NCAM2: variants seen among roughly 807,000 people sequenced by gnomAD.
NCAM2 encodes the protein neural cell adhesion molecule 2.
In NCAM2, 30 loss-of-function variants were observed where a neutral mutation model predicts 98.1. That is an observed-to-expected ratio of 0.31 (90% CI 0.23 to 0.41). The LOEUF is 0.41. NCAM2 is among the 10% of genes least tolerant of loss of function. The pLI is 1.00. For synonymous variants in NCAM2, 368 were observed against 342.4 expected (o/e 1.07, Z -0.83); for missense variants, 867 against 1,005.8 (o/e 0.86, Z 1.87).
At chr21:21,019,094 T>G (rs1219130241) in intron 1 of NCAM2, among the ~76,000 whole-genome samples, 2 of 152,212 alleles carry the variant, frequency 1.3e-5, no homozygotes, top group Admixed American at 6.5e-5. Flanking sequence ...TGAAACACTT[T>G]CCCATGCACA....
At chr21:21,086,073 G>T (rs2065900249) in intron 1 of NCAM2, among the ~76,000 whole-genome samples, 1 of 152,172 alleles carries the variant, frequency 6.6e-6, no homozygotes, top group Non-Finnish European at 1.5e-5. Flanking sequence ...GGAATACATT[G>T]AAGGCTTTCC....
At chr21:21,085,290 A>G (rs2065886137) in intron 1 of NCAM2, among the ~76,000 whole-genome samples, 1 of 151,982 alleles carries the variant, frequency 6.6e-6, no homozygotes, top group African/African-American at 2.4e-5. Flanking sequence ...TGCACTCAGG[A>G]ACCTGGGTAA....
chr21:21,102,458 G>T (rs571045526), intron 1 of NCAM2, among the ~76,000 whole-genome samples: 3 of 151,804 alleles, frequency 2.0e-5, no homozygotes, highest in Non-Finnish European at 2.9e-5. Context: ...GGTTTTGGGC[G>T]CATACAAGTA....
At chr21:21,444,013 C>T (rs1979707245) in intron 12 of NCAM2, among the ~76,000 whole-genome samples, 1 of 152,058 alleles carries the variant, frequency 6.6e-6, no homozygotes, top group Non-Finnish European at 1.5e-5. Flanking sequence ...AGATGTGTTC[C>T]ATCAATACCT....
chr21:21,386,119 T>A (rs2076266166), intron 9 of NCAM2, among the ~76,000 whole-genome samples: 1 of 152,092 alleles, frequency 6.6e-6, no homozygotes, highest in Non-Finnish European at 1.5e-5. Flanking sequence ...TTAATAGATG[T>A]GTGCTTTATT....
chr21:21,472,521 G>A (rs1248086792), intron 14 of NCAM2, among the ~76,000 whole-genome samples: 1 of 151,910 alleles, frequency 6.6e-6, no homozygotes, highest in Non-Finnish European at 1.5e-5. Context: ...AAGCATTTTA[G>A]TAATTTTTCT....
rs1438601836 is a variant in NCAM2, at chr21:21,469,538, C to T, written c.1896+755C>T. Among the ~76,000 whole-genome samples the T allele has an allele frequency of 2.6e-5, 4 of 152,060 alleles. No individual in the cohort carries two copies. In the East Asian group the frequency reaches 7.7e-4, roughly 29 times the overall value. ...GTTAAATTTTCTAAGATTCATACAA[C>T]ATGCGTTTTATGCTTATGTTGACTG... On this transcript the variant is annotated intron_variant, in intron 14 of 17. Coordinates refer to ENST00000400546, the MANE Select transcript of NCAM2 (RefSeq NM_004540.5).
chr21:21,161,785 G>A (rs1398368459), intron 1 of NCAM2, among the ~76,000 whole-genome samples: 1 of 152,002 alleles, frequency 6.6e-6, no homozygotes, highest in East Asian at 1.9e-4. Flanking sequence ...GAGCTAGGGA[G>A]CTGAAGGTGC....
chr21:21,286,174 A>G (rs2073091295), intron 3 of NCAM2, 95 bp from the exon 4 acceptor site: 3 of 1,262,824 alleles, frequency 2.4e-6, no homozygotes, highest in Non-Finnish European at 2.2e-6. Flanking sequence ...ATTTTATTAT[A>G]GTATCAATAG....
Position 21,081,078 on chromosome 21 carries a change from T to C in NCAM2, c.55+82460T>C, listed in dbSNP as rs184206330. Among the ~76,000 whole-genome samples, 431 of 152,254 alleles carry C rather than the reference T, an allele frequency of 2.8e-3. 7 individuals are homozygous for C. Among genetic ancestry groups the C allele is most frequent in the African/African-American group, 9.4e-3 (391 of 41,550 alleles). ...GCGTTACTTCACCCTGGTTCTTCCA[T>C]TGGGGTGGGCTGTCCACGTGCACAG... On this transcript the variant is annotated intron_variant, in intron 1 of 17. Coordinates refer to ENST00000400546, the MANE Select transcript of NCAM2 (RefSeq NM_004540.5).
rs191868165 is a variant in NCAM2 at position 21,048,555 on chromosome 21, G to C, written c.55+49937G>C. Among the ~76,000 whole-genome samples, 738 of 152,228 alleles carry C rather than the reference G, an allele frequency of 4.8e-3. 10 individuals are homozygous for C. Among genetic ancestry groups the C allele is most frequent in the African/African-American group, 0.017 (727 of 41,560 alleles). ...TTTTTAGTAGAGACAGGGTTTCACT[G>C]TGTTAGCCAGGTTGGCATTGATCTC... On this transcript the variant is annotated intron_variant, in intron 1 of 17. Coordinates refer to ENST00000400546, the MANE Select transcript of NCAM2 (RefSeq NM_004540.5).
intron 1 of NCAM2, among the ~76,000 whole-genome samples, chr21:21,096,305 C>T (rs1418054853): frequency 4.0e-5 from 6 of 151,496 alleles, no homozygotes; most frequent in Admixed American, 1.3e-4. Context: ...TAGATATTAA[C>T]GATCTCTGAA....
intron 1 of NCAM2, among the ~76,000 whole-genome samples, chr21:21,266,492 A>C (rs2072279674): frequency 6.6e-6 from 1 of 152,140 alleles, no homozygotes; most frequent in Non-Finnish European, 1.5e-5. Context: ...TAAATGGTAG[A>C]CGTATTAAGA....
chr21:21,303,087 G>A (rs1383011907), intron 5 of NCAM2, among the ~76,000 whole-genome samples: 2 of 151,928 alleles, frequency 1.3e-5, no homozygotes, highest in African/African-American at 4.8e-5. Flanking sequence ...CATAGACACT[G>A]CAGAATACTA....
intron 5 of NCAM2, among the ~76,000 whole-genome samples, chr21:21,294,148 A>T (rs971671332): frequency 6.6e-6 from 1 of 150,928 alleles, no homozygotes; most frequent in South Asian, 2.1e-4. Context: ...TTTTGCACCA[A>T]CCTAATATTT....
intron 1 of NCAM2, among the ~76,000 whole-genome samples, chr21:21,009,778 A>G (rs2146131865): frequency 6.6e-6 from 1 of 151,972 alleles, no homozygotes; most frequent in African/African-American, 2.4e-5. Flanking sequence ...GAAGTGAGAA[A>G]ATACTTGTTT....
chr21:21,539,601 C>G lies in NCAM2; in HGVS notation c.*1644C>G, dbSNP rs545961872. On this transcript the variant is annotated 3_prime_UTR_variant, in exon 18 of 18. Coordinates refer to ENST00000400546, the MANE Select transcript of NCAM2 (RefSeq NM_004540.5). The stretch of plus-strand genomic sequence containing the variant: ...AACTAAGTACTTTTATATAATTCAT[C>G]ACTTTTCTGGCTACAGCAGGACAGA... The G allele has an allele frequency of 6.6e-6, 1 of 152,316 alleles. No homozygotes were observed. Among genetic ancestry groups the G allele is most frequent in the South Asian group, 2.1e-4 (1 of 4,828 alleles). 9.4% of individuals were successfully genotyped at this position (152,316 alleles called of 1,614,324 possible).
At chr21:21,322,130 A>G (rs1033273154) in intron 5 of NCAM2, among the ~76,000 whole-genome samples, 1 of 152,204 alleles carries the variant, frequency 6.6e-6, no homozygotes, top group African/African-American at 2.4e-5. Context: ...ACTGCAAAAA[A>G]CAAACAAACA....
chr21:21,076,573 T>A (rs1259765408), intron 1 of NCAM2, among the ~76,000 whole-genome samples: 1 of 152,164 alleles, frequency 6.6e-6, no homozygotes, highest in Non-Finnish European at 1.5e-5. Context: ...TAAAACTGGG[T>A]CAGTCTATTT....
Sources: gnomAD v4.1 joint callset for allele counts (sites outside exome capture counted in the v4.1 genomes callset) on GRCh38, gnomAD v4.1.1 for gene constraint, MANE v1.5 for transcripts, NCBI Gene and HGNC (gene_info 2026-07-23, HGNC 2026-07-21) for gene names.